FGF14: variants seen among roughly 807,000 people sequenced by gnomAD.
FGF14 encodes fibroblast growth factor 14, also known as fibroblast growth factor homologous factor 4.
In FGF14, 5 loss-of-function variants were observed where a neutral mutation model predicts 25.5. The observed-to-expected ratio is 0.20, with a 90% CI of 0.10 to 0.41. FGF14 has a LOEUF of 0.41. Among genes scored for constraint, FGF14 ranks in the 10% least tolerant of loss-of-function variants. FGF14 has a pLI of 1.00. For synonymous variants in FGF14, 138 were observed against 118.3 expected, an observed-to-expected ratio of 1.17 and a Z score of -1.08; for missense variants, 222 against 320.1, an observed-to-expected ratio of 0.69 and a Z score of 2.34.
intron 1 of FGF14, among the ~76,000 whole-genome samples, chr13:101,950,066 T>C (rs2036059394): frequency 6.6e-6 from 1 of 152,150 alleles, no homozygotes; most frequent in Non-Finnish European, 1.5e-5. Flanking sequence ...GGCCTCTTTC[T>C]GTATGGGACA....
At chr13:102,359,976 A>AT (rs1262855486) in intron 1 of FGF14, among the ~76,000 whole-genome samples, 1 of 151,856 alleles carries the variant, frequency 6.6e-6, no homozygotes, top group South Asian at 2.1e-4. Flanking sequence ...AGTAGACTGG[A>AT]TTTTGAATAA....
chr13:101,959,080 T>G (rs1021502740), intron 1 of FGF14, among the ~76,000 whole-genome samples: 1 of 152,176 alleles, frequency 6.6e-6, no homozygotes, highest in East Asian at 1.9e-4. Context: ...TCAGGATGAC[T>G]GTTTCACTGC....
intron 1 of FGF14, among the ~76,000 whole-genome samples, chr13:101,941,334 A>G (rs2035436101): frequency 6.6e-6 from 1 of 152,244 alleles, no homozygotes; most frequent in South Asian, 2.1e-4. Flanking sequence ...CTAGCTCTTA[A>G]CTGGCCAAGC....
chr13:101,861,254 C>T (rs562952296), intron 3 of FGF14, among the ~76,000 whole-genome samples: 1 of 152,178 alleles, frequency 6.6e-6, no homozygotes, highest in Non-Finnish European at 1.5e-5. Context: ...CATCATCATC[C>T]AATAGTCATT....
In FGF14 at chr13:101,916,759, G is replaced by T; in HGVS notation, c.-114C>A. The T allele has an allele frequency of 1.1e-6, 1 of 897,516 alleles. No homozygotes were observed. Among genetic ancestry groups the T allele is most frequent in the East Asian group, 2.8e-5 (1 of 36,348 alleles). 55.6% of individuals were successfully genotyped at this position (897,516 alleles called of 1,614,324 possible). A position where few individuals can be genotyped will look rare whatever the true frequency, so the allele number is the denominator to read the frequency against. On this transcript the variant is annotated 5_prime_UTR_variant, in exon 1 of 5. Transcript: ENST00000376143. Reference sequence around the variant, plus strand: ...GGCTCGCCCTCGGGGCAGAGGAGGGGGTGCCAGGCGGGACTGGGGAGAGGG... The same window carrying T: ...GGCTCGCCCTCGGGGCAGAGGAGGGTGTGCCAGGCGGGACTGGGGAGAGGG...
chr13:102,023,617 C>T (rs531401017), intron 1 of FGF14, among the ~76,000 whole-genome samples: 16 of 152,140 alleles, frequency 1.1e-4, no homozygotes, highest in Admixed American at 9.2e-4. Flanking sequence ...TTTCCCCAGC[C>T]CCTGACAACA....
At chr13:101,950,055 T>C (rs889826014) in intron 1 of FGF14, among the ~76,000 whole-genome samples, 3 of 152,110 alleles carry the variant, frequency 2.0e-5, no homozygotes, top group African/African-American at 7.2e-5. Flanking sequence ...CATTTCTGTC[T>C]GGCCTCTTTC....
intron 1 of FGF14, among the ~76,000 whole-genome samples, chr13:101,999,527 A>G (rs2039367197): frequency 6.6e-6 from 1 of 152,190 alleles, no homozygotes; most frequent in Non-Finnish European, 1.5e-5. Context: ...GGACAGAAGA[A>G]TCCATGAGTG....
Position 101,865,332 on chromosome 13 carries a change from G to T in FGF14, c.408+3393C>A, listed in dbSNP as rs979481698. On this transcript the variant is annotated intron_variant, in intron 3 of 4. Coordinates refer to ENST00000376143, the MANE Select transcript of FGF14 (RefSeq NM_004115.4). The stretch of plus-strand genomic sequence containing the variant: ...CTCAGCACTAGAAATAGTGATAAGT[G>T]GTTAAAGTACATTTTTGTTCATAAA... Among the ~76,000 whole-genome samples, 136 of 152,188 alleles carry T rather than the reference G, an allele frequency of 8.9e-4. 1 individual carries two copies. The highest frequency in any genetic ancestry group is 1.6e-3 in the Non-Finnish European group (108 of 68,002).
intron 1 of FGF14, among the ~76,000 whole-genome samples, chr13:102,161,945 A>T (rs1324595097): frequency 6.6e-6 from 1 of 152,072 alleles, no homozygotes; most frequent in East Asian, 1.9e-4. Context: ...TCCTAAAGGT[A>T]AGCAGTAGGG....
intron 3 of FGF14, among the ~76,000 whole-genome samples, chr13:101,805,423 T>A (rs2041140748): frequency 6.6e-6 from 1 of 152,186 alleles, no homozygotes; most frequent in Non-Finnish European, 1.5e-5. Context: ...TTCCAAAGGC[T>A]TTGAAATTCA....
At position 101,711,221 on chromosome 13, in the gene FGF14, A is replaced by G. The variant is rs1462377614; in HGVS notation, c.*11610T>C. 6.6e-6 allele frequency: 1 copy of G among 152,226 alleles called. No individual in the cohort carries two copies. The highest frequency in any genetic ancestry group is 1.5e-5 in the Non-Finnish European group (1 of 68,042). 9.4% of individuals were successfully genotyped at this position (152,226 alleles called of 1,614,324 possible). On this transcript the variant is annotated 3_prime_UTR_variant, in exon 5 of 5. Transcript: ENST00000376143. ...ATTATATCTTTGCCTTGACTACTTC[A>G]AGCTAGATCCAGATAATCACGTCCA...
chr13:101,758,655 A>G (rs1159332745), intron 3 of FGF14, among the ~76,000 whole-genome samples: 1 of 152,166 alleles, frequency 6.6e-6, no homozygotes, highest in Non-Finnish European at 1.5e-5. Context: ...ACTTTCTCTT[A>G]TTTCTTGACC....
At chr13:102,253,046 C>A (rs919243782) in intron 1 of FGF14, among the ~76,000 whole-genome samples, 25 of 152,226 alleles carry the variant, frequency 1.6e-4, no homozygotes, top group Non-Finnish European at 3.1e-4. Context: ...ATATGTGCCA[C>A]ATATTCTTTA....
At chr13:102,002,884 T>A (rs1257091671) in intron 1 of FGF14, 3 of 152,156 alleles carry the variant, frequency 2.0e-5, no homozygotes, top group Non-Finnish European at 4.4e-5. Context: ...ACCCAACAGA[T>A]GATATGGGTA....
intron 1 of FGF14, among the ~76,000 whole-genome samples, chr13:102,097,567 AG>A (rs1481060600): frequency 2.6e-5 from 4 of 152,194 alleles, no homozygotes; most frequent in Admixed American, 6.5e-5. Context: ...AAGTGATTAA[AG>A]AGTCCAAAAT....
intron 3 of FGF14, chr13:101,801,906 A>G: frequency 4.8e-6 from 2 of 413,934 alleles, no homozygotes; most frequent in Non-Finnish European, 4.7e-6. Flanking sequence ...AAGAAACCAA[A>G]GGGTAAGATG....
Position 101,721,797 on chromosome 13 carries a change from G to A in FGF14, c.*1034C>T, listed in dbSNP as rs567206934. On this transcript the variant is annotated 3_prime_UTR_variant, in exon 5 of 5. Coordinates refer to ENST00000376143, the MANE Select transcript of FGF14 (RefSeq NM_004115.4). The stretch of plus-strand genomic sequence containing the variant: ...AAGTTTGGTTCATTAAAAACAGGAC[G>A]GAGTATATCTGAAATGGATTTAGGT... 6 of 151,998 alleles carry A rather than the reference G, an allele frequency of 3.9e-5. No individual in the cohort carries two copies. The highest frequency in any genetic ancestry group is 2.1e-4 in the South Asian group (1 of 4,802). 9.4% of individuals were successfully genotyped at this position (151,998 alleles called of 1,614,324 possible).
At chr13:101,963,323 A>C (rs12864397) in intron 1 of FGF14, among the ~76,000 whole-genome samples, 28,577 of 151,856 alleles carry the variant, frequency 0.19, 2,987 homozygotes, top group Admixed American at 0.31. Flanking sequence ...TCTTTGTTCA[A>C]ATTTCAGTTG....
Sources: allele counts gnomAD v4.1 joint callset (sites outside exome capture counted in the v4.1 genomes callset), GRCh38; gene constraint gnomAD v4.1.1; transcripts MANE v1.5; gene names NCBI Gene and HGNC (gene_info 2026-07-23, HGNC 2026-07-21).